The following GINS1 variants were observed in gnomAD, a reference collection of about 807,000 sequenced individuals.
GINS1 encodes the protein GINS complex subunit 1.
A neutral mutation model predicts 34.9 loss-of-function variants in GINS1; 26 were observed. The ratio of observed to expected loss-of-function variants is 0.74; its 90% CI spans 0.55 to 1.03. The LOEUF (loss-of-function observed/expected upper bound fraction) is 1.03, where lower values mean the gene tolerates loss of function less well. GINS1 is among the 50% of genes least tolerant of loss of function. The pLI, the probability that GINS1 is intolerant of heterozygous loss-of-function variation, is 0.00. For synonymous variants in GINS1, 97 were observed against 84.4 expected (o/e 1.15, Z -0.82); for missense variants, 235 against 237.9 (o/e 0.99, Z 0.08).
intron 5 of GINS1, among the ~76,000 whole-genome samples, chr20:25,426,221 C>T (rs1454283660): frequency 6.6e-6 from 1 of 152,062 alleles, no homozygotes; most frequent in Non-Finnish European, 1.5e-5. Context: ...TTTCACTTAG[C>T]GTAATATCTT....
Position 25,448,445 on chromosome 20 carries a change from A to G in GINS1, c.*2454A>G, listed in dbSNP as rs1396723868. ...CTTGTTGCTAGTAAATAGAAATACA[A>G]TTGATGTTGAACTTGTATCCTTCAG... On this transcript the variant is annotated 3_prime_UTR_variant, in exon 7 of 7. Coordinates refer to ENST00000262460, the MANE Select transcript of GINS1 (RefSeq NM_021067.5). 6.6e-6 allele frequency: 1 copy of G among 152,258 alleles called. No homozygotes were observed. 9.4% of individuals were successfully genotyped at this position (152,258 alleles called of 1,614,324 possible).
At chr20:25,424,149 T>C (rs1028016902) in intron 4 of GINS1, among the ~76,000 whole-genome samples, 1 of 152,296 alleles carries the variant, frequency 6.6e-6, no homozygotes, top group African/African-American at 2.4e-5. Context: ...GGAGGACTTT[T>C]TCTTCTGTTA....
rs527716161 is a variant in GINS1, at chr20:25,446,814, G to A, written c.*823G>A. On this transcript the variant is annotated 3_prime_UTR_variant, in exon 7 of 7. Transcript: ENST00000262460. ...CAGATTGACTGAAAAGTCACATGAAGAGTTGATTGTCTTTTAATGGTATGT... is the reference window on the plus strand; with the variant it reads ...CAGATTGACTGAAAAGTCACATGAAAAGTTGATTGTCTTTTAATGGTATGT... The A allele has an allele frequency of 6.6e-6, 1 of 152,298 alleles. No homozygotes were observed. The highest frequency in any genetic ancestry group is 1.9e-4 in the East Asian group (1 of 5,192). 9.4% of individuals were successfully genotyped at this position (152,298 alleles called of 1,614,324 possible). A position where few individuals can be genotyped will look rare whatever the true frequency, so the allele number is the denominator to read the frequency against.
At chr20:25,412,520 A>G (rs1454752122) in intron 1 of GINS1, among the ~76,000 whole-genome samples, 1 of 152,056 alleles carries the variant, frequency 6.6e-6, no homozygotes, top group Admixed American at 6.6e-5. Flanking sequence ...GCACCATTGC[A>G]CTCCAGCCCA....
chr20:25,442,719 A>C (rs1023558240), intron 6 of GINS1, among the ~76,000 whole-genome samples: 1 of 148,378 alleles, frequency 6.7e-6, no homozygotes. Context: ...GTGATCCCCC[A>C]CCTCAGCCTC....
chr20:25,428,967 CTCTTTTTTTTTTTTT>C (rs1763185956), intron 5 of GINS1, among the ~76,000 whole-genome samples: 1 of 114,162 alleles, frequency 8.8e-6, no homozygotes, highest in African/African-American at 3.3e-5. Flanking sequence ...TCATTCCTCT[CTCTTTTTTTTTTTTT>C]TTTTTTTTTT....
At chr20:25,420,896 ACT>A (rs2090351439) in intron 4 of GINS1, 1 of 971,158 alleles carries the variant, frequency 1.0e-6, no homozygotes, top group Non-Finnish European at 1.2e-6. Context: ...ATACAGATAA[ACT>A]CTGTAGTAGA....
intron 5 of GINS1, among the ~76,000 whole-genome samples, chr20:25,434,847 T>C (rs1048836757): frequency 3.3e-5 from 5 of 152,226 alleles, no homozygotes; most frequent in Non-Finnish European, 7.3e-5. Flanking sequence ...TGTGGCGCCT[T>C]GAATGCTGCA....
intron 5 of GINS1, among the ~76,000 whole-genome samples, chr20:25,439,231 G>A (rs2090469677): frequency 6.6e-6 from 1 of 152,098 alleles, no homozygotes; most frequent in African/African-American, 2.4e-5. Flanking sequence ...TGTGTTTTAT[G>A]GGGTCTTGTA....
At chr20:25,411,060 T>A (rs1286025905) in intron 1 of GINS1, 1 of 152,136 alleles carries the variant, frequency 6.6e-6, no homozygotes, top group Admixed American at 6.5e-5. Context: ...GAAGGAACAC[T>A]TGAGCCCAGG....
At chr20:25,424,753 A>C (rs1478711995) in intron 4 of GINS1, among the ~76,000 whole-genome samples, 1 of 152,206 alleles carries the variant, frequency 6.6e-6, no homozygotes, top group Non-Finnish European at 1.5e-5. Flanking sequence ...TTCATGTGGT[A>C]ATGGCAATAC....
chr20:25,439,967 C>G (rs2090473659), intron 5 of GINS1, among the ~76,000 whole-genome samples: 1 of 150,210 alleles, frequency 6.7e-6, no homozygotes, highest in Non-Finnish European at 1.5e-5. Flanking sequence ...TGCACTCTAG[C>G]CTGGGTGACA....
At chr20:25,441,368 A>T (rs1183941075) in intron 5 of GINS1, among the ~76,000 whole-genome samples, 1 of 152,208 alleles carries the variant, frequency 6.6e-6, no homozygotes, top group Non-Finnish European at 1.5e-5. Flanking sequence ...AGCAGGTTGG[A>T]GCAGATCTAA....
Position 25,445,925 on chromosome 20 carries a change from CT to C in GINS1, c.530del (p.Leu177TyrfsTer9). The C allele has an allele frequency of 6.2e-7, 1 of 1,600,586 alleles. No individual in the cohort carries two copies. Among genetic ancestry groups the C allele is most frequent in the Non-Finnish European group, 8.6e-7 (1 of 1,168,054 alleles). Reference protein sequence around the residue: ...SVLLKKNSQHFLPRWKCEQLI... With the variant: ...SVLLKKNSQHXLPRWKCEQLI... ...TCCATCCCTTCTTGTCCCCTCAGCACTTTTTACCTCGATGGAAATGTGAGCA... is the reference window on the plus strand; with the variant it reads ...TCCATCCCTTCTTGTCCCCTCAGCACTTTTACCTCGATGGAAATGTGAGCA... On this transcript the variant is annotated frameshift_variant, in exon 7 of 7. Coordinates refer to ENST00000262460, the MANE Select transcript of GINS1 (RefSeq NM_021067.5). LOFTEE classifies it high-confidence loss of function.
chr20:25,437,345 C>T (rs1345020469), intron 5 of GINS1, among the ~76,000 whole-genome samples: 1 of 152,264 alleles, frequency 6.6e-6, no homozygotes, highest in Non-Finnish European at 1.5e-5. Context: ...GCTTTTTGCA[C>T]ACTCTGCACC....
Position 25,418,137 on chromosome 20 carries a change from G to C in GINS1, c.272G>C (p.Arg91Thr), listed in dbSNP as rs763944578. ...YDRLLRIRAL[R>T]WEYGSVLPNA... is the part of the protein sequence containing the mutation. ...CGCTTGCTTCGGATCAGAGCACTCA[G>C]ATGGGAATATGGTAGCGTCTTGCCA... Residue 91 changes from arginine (R) to threonine (T), a missense_variant, in exon 4 of 7, where the codon AGA becomes ACA. Transcript: ENST00000262460. 1.2e-6 allele frequency: 2 copies of C among 1,605,610 alleles called. No individual in the cohort carries two copies. Among genetic ancestry groups the C allele is most frequent in the Non-Finnish European group, 8.5e-7 (1 of 1,172,076 alleles).
In GINS1 at chr20:25,427,790, C is replaced by CT. The variant is rs1311505276; in HGVS notation, c.447+2472dup. On this transcript the variant is annotated intron_variant, in intron 5 of 6. Transcript: ENST00000262460. The stretch of plus-strand genomic sequence containing the variant: ...TGCCTTTTTATGCTGTTGATAGTGT[C>CT]TTTTTTTTTCTTTTTTTTCTGTTTT... 2.1e-4 allele frequency among the ~76,000 whole-genome samples: 29 copies of CT among 136,978 alleles called. No individual in the cohort carries two copies. The South Asian group carries it at 6.7e-3, about 31-fold the overall frequency. 89.9% of individuals were successfully genotyped at this position (136,978 alleles called of 152,430 possible).
At chr20:25,431,220 ACT>A (rs998116624) in intron 5 of GINS1, among the ~76,000 whole-genome samples, 32 of 151,016 alleles carry the variant, frequency 2.1e-4, no homozygotes, top group African/African-American at 7.8e-4. Flanking sequence ...GACTCTTAGA[ACT>A]CTTTTTATTT....
intron 5 of GINS1, among the ~76,000 whole-genome samples, chr20:25,441,238 TC>T (rs1442101674): frequency 2.0e-5 from 3 of 152,192 alleles, no homozygotes; most frequent in South Asian, 2.1e-4. Flanking sequence ...TTGTAAGTAT[TC>T]CTGGGAAATT....
Sources: allele counts gnomAD v4.1 joint callset (sites outside exome capture counted in the v4.1 genomes callset), GRCh38; gene constraint gnomAD v4.1.1; transcripts MANE v1.5; gene names NCBI Gene and HGNC (gene_info 2026-07-23, HGNC 2026-07-21).